The following VPS50 variants were observed in gnomAD, a reference collection of about 807,000 sequenced individuals.
VPS50 encodes VPS50 subunit of EARP/GARPII complex, also known as syndetin.
Under a neutral mutation model 139.7 loss-of-function variants are expected in VPS50, and 70 were observed. The ratio of observed to expected loss-of-function variants is 0.50; its 90% confidence interval spans 0.41 to 0.61. The LOEUF (loss-of-function observed/expected upper bound fraction) is 0.61, where lower values mean the gene tolerates loss of function less well. Ranked by LOEUF, VPS50 falls within the 20% of genes least tolerant of loss-of-function variation. VPS50 has a pLI of 0.00. For synonymous variants in VPS50, 365 were observed against 376.7 expected (o/e 0.97, Z 0.36); for missense variants, 921 against 1,133.7 (o/e 0.81, Z 2.69).
chr7:93,259,416 T>C (rs1795597357), intron 8 of VPS50, 134 bp from the exon 9 acceptor site: 4 of 519,502 alleles, frequency 7.7e-6, no homozygotes, highest in South Asian at 3.3e-5. Flanking sequence ...TTATCTATCA[T>C]TGATATTCTA....
chr7:93,348,805 C>A lies in VPS50; in HGVS notation c.2302C>A (p.Gln768Lys). The A allele has an allele frequency of 6.3e-7, 1 of 1,586,554 alleles. No homozygotes were observed. The highest frequency in any genetic ancestry group is 8.7e-7 in the Non-Finnish European group (1 of 1,154,980). Residue 768 changes from glutamine to lysine, a missense_variant and splice_region_variant, in exon 24 of 28, where the codon CAG (glutamine) becomes AAG (lysine). Physicochemically the swap from Gln to Lys is moderately conservative, Grantham distance 53. This residue lies in a region of VPS50 where 744 missense variants were observed against 930.6 expected (regional missense o/e 0.80). Transcript: ENST00000305866. The part of the protein sequence containing the change: ...KKPFLQQFYS[Q>K]TVSTASELRK... The stretch of plus-strand genomic sequence containing the variant: ...GCCCTTTCTTCAGCAGTTCTATTCT[C>A]AGGTCAGACATGGTCTTGTATGTCA...
At chr7:93,344,944 CA>C (rs1562897862) in intron 23 of VPS50, among the ~76,000 whole-genome samples, 1 of 152,038 alleles carries the variant, frequency 6.6e-6, no homozygotes, top group African/African-American at 2.4e-5. Context: ...CAAACACATT[CA>C]AAAGCTAGCA....
intron 26 of VPS50, among the ~76,000 whole-genome samples, chr7:93,355,564 G>A (rs1359318666): frequency 6.6e-6 from 1 of 152,108 alleles, no homozygotes; most frequent in Non-Finnish European, 1.5e-5. Flanking sequence ...ACTCTTGGCA[G>A]CCAGATTAAC....
At chr7:93,274,789 G>A (rs536339891) in intron 11 of VPS50, among the ~76,000 whole-genome samples, 12 of 152,210 alleles carry the variant, frequency 7.9e-5, no homozygotes, top group South Asian at 4.1e-4. Context: ...ATTGAAAAGC[G>A]TCTGGATTTA....
At chr7:93,256,909 A>C (rs1420200369) in intron 5 of VPS50, among the ~76,000 whole-genome samples, 1 of 152,094 alleles carries the variant, frequency 6.6e-6, no homozygotes, top group Non-Finnish European at 1.5e-5. Flanking sequence ...TTAAAATATG[A>C]TAAAATTGGT....
chr7:93,321,232 G>A (rs1370376453), intron 20 of VPS50: 1 of 152,146 alleles, frequency 6.6e-6, no homozygotes. Flanking sequence ...CCAACCTCTG[G>A]TCTAGAAATG....
chr7:93,345,155 C>T (rs965804385), intron 23 of VPS50, among the ~76,000 whole-genome samples: 20 of 152,178 alleles, frequency 1.3e-4, no homozygotes, highest in South Asian at 6.2e-4. Flanking sequence ...ATATCACCAC[C>T]GATCCCACAG....
chr7:93,348,217 G>T (rs142505158), intron 23 of VPS50, among the ~76,000 whole-genome samples: 88 of 152,262 alleles, frequency 5.8e-4, no homozygotes, highest in Middle Eastern at 3.4e-3. Context: ...CCTGTACCCA[G>T]CCTCTGGCAC....
intron 27 of VPS50, 112 bp downstream of exon 27, chr7:93,356,192 G>A (rs1798702532): frequency 1.8e-6 from 1 of 560,228 alleles, no homozygotes; most frequent in Non-Finnish European, 3.0e-6. Context: ...AGAAACATTT[G>A]CTTTTTTAAT....
intron 26 of VPS50, among the ~76,000 whole-genome samples, chr7:93,355,061 T>A (rs1798664448): frequency 7.1e-6 from 1 of 140,042 alleles, no homozygotes; most frequent in Non-Finnish European, 1.5e-5. Context: ...TTAAATAAAT[T>A]TGTTTAAGTC....
chr7:93,268,718 A>T (rs1178748585), intron 9 of VPS50, among the ~76,000 whole-genome samples: 1 of 152,152 alleles, frequency 6.6e-6, no homozygotes, highest in African/African-American at 2.4e-5. Flanking sequence ...TTATTTATCC[A>T]GTCTGTCATT....
intron 21 of VPS50, among the ~76,000 whole-genome samples, chr7:93,323,992 G>A (rs947757436): frequency 2.0e-5 from 3 of 152,024 alleles, no homozygotes; most frequent in Non-Finnish European, 2.9e-5. Context: ...ACATATTTTG[G>A]CAATGAAAAA....
At chr7:93,245,085 T>C (rs1015292363) in intron 2 of VPS50, among the ~76,000 whole-genome samples, 10 of 151,846 alleles carry the variant, frequency 6.6e-5, no homozygotes, top group African/African-American at 2.4e-4. Flanking sequence ...AAATAGATAA[T>C]TGCAGAGGAG....
In VPS50 at chr7:93,253,899, T is replaced by A; in HGVS notation, c.265T>A (p.Tyr89Asn). The A allele has an allele frequency of 6.2e-7, 1 of 1,602,528 alleles. No homozygotes were observed. The highest frequency in any genetic ancestry group is 8.5e-7 in the Non-Finnish European group (1 of 1,172,276). Reference protein sequence around the residue: ...PVLNLQELEAYRDKLKQQQAA... With the variant: ...PVLNLQELEANRDKLKQQQAA... ...TCTCAATTTGCAAGAATTAGAGGCG[T>A]ATAGAGACAAATTGAAACAACAGCA... The change falls in exon 4 of 28, where the codon TAT becomes AAT. Residue 89 changes from tyrosine (Y) to asparagine (N), a missense_variant. Tyr to Asn is a moderately radical substitution (Grantham distance 143, BLOSUM62 -2). Coordinates refer to ENST00000305866, the MANE Select transcript of VPS50 (RefSeq NM_017667.4).
intron 1 of VPS50, among the ~76,000 whole-genome samples, chr7:93,234,095 C>T (rs1256410855): frequency 6.6e-6 from 1 of 152,190 alleles, no homozygotes; most frequent in African/African-American, 2.4e-5. Context: ...TCACTAATAC[C>T]TCTAAACTGC....
At chr7:93,278,389 G>A (rs1298888297) in intron 12 of VPS50, among the ~76,000 whole-genome samples, 2 of 151,124 alleles carry the variant, frequency 1.3e-5, no homozygotes, top group Non-Finnish European at 3.0e-5. Context: ...AGGGGTTCAA[G>A]ACCAGCCTGG....
chr7:93,334,025 G>A, intron 21 of VPS50, 92 bp from the exon 22 acceptor site: 1 of 788,430 alleles, frequency 1.3e-6, no homozygotes. Flanking sequence ...AAGTATCTGA[G>A]TGAAAACTCA....
intron 19 of VPS50, among the ~76,000 whole-genome samples, chr7:93,310,701 C>A (rs192099919): frequency 6.6e-6 from 1 of 152,076 alleles, no homozygotes; most frequent in East Asian, 1.9e-4. Flanking sequence ...TTATCTCTGA[C>A]CCTATTTTAT....
chr7:93,279,628 G>A lies in VPS50; in HGVS notation c.942+3323G>A, dbSNP rs190329727. On this transcript the variant is annotated intron_variant, in intron 12 of 27. Coordinates refer to ENST00000305866, the MANE Select transcript of VPS50 (RefSeq NM_017667.4). ...CTTGTGTGAGAGCAAATGTGGCAGT[G>A]GGGCATCAGGTGAGCAAGAAGCAGG... 8.5e-5 allele frequency among the ~76,000 whole-genome samples: 13 copies of A among 152,290 alleles called. No individual in the cohort carries two copies. The East Asian group carries it at 2.5e-3, about 29-fold the overall frequency.
Sources: allele counts gnomAD v4.1 joint callset (sites outside exome capture counted in the v4.1 genomes callset), GRCh38; gene constraint gnomAD v4.1.1; regional missense constraint gnomAD v4.1.1; transcripts MANE v1.5; gene names NCBI Gene and HGNC (gene_info 2026-07-23, HGNC 2026-07-21).